Variants in RANBP9 observed in about 807,000 individuals in gnomAD.
The protein encoded by RANBP9 is ran-binding protein 9.
A neutral mutation model predicts 84.3 loss-of-function variants in RANBP9; 15 were observed. That is an observed-to-expected ratio of 0.18 (90% CI 0.12 to 0.27). The LOEUF is 0.27. RANBP9 is among the 10% of genes least tolerant of loss of function. The pLI is 1.00. For missense variants in RANBP9, 809 were observed against 912.8 expected (o/e 0.89, Z 1.46); for synonymous variants, 392 against 349.6 (o/e 1.12, Z -1.35).
At position 13,639,548 on chromosome 6, in the gene RANBP9, T is replaced by G; in HGVS notation, c.1525+15A>C. On this transcript the variant is annotated intron_variant, in intron 9 of 13. Coordinates refer to ENST00000011619, the MANE Select transcript of RANBP9 (RefSeq NM_005493.3). ...GAGGAAAAATCTAAAAATAATGTCA[T>G]AAGTTAAATCTCACCTGAAAAATGT... is the stretch of plus-strand genomic sequence containing the variant. 1.3e-6 allele frequency: 2 copies of G among 1,574,316 alleles called. No homozygotes were observed. The highest frequency in any genetic ancestry group is 1.7e-6 in the Non-Finnish European group (2 of 1,145,380).
chr6:13,701,536 G>A (rs868412848), intron 1 of RANBP9, among the ~76,000 whole-genome samples: 17 of 152,142 alleles, frequency 1.1e-4, no homozygotes, highest in African/African-American at 4.1e-4. Flanking sequence ...ACTTTGGGAG[G>A]CCAAGGCAGG....
chr6:13,673,614 GGGA>G (rs1765822272), intron 2 of RANBP9, among the ~76,000 whole-genome samples: 2 of 152,192 alleles, frequency 1.3e-5, no homozygotes, highest in Non-Finnish European at 2.9e-5. Context: ...AGGGACAGGA[GGGA>G]GGAGTTGGTT....
At chr6:13,705,390 G>A (rs150137622) in intron 1 of RANBP9, among the ~76,000 whole-genome samples, 1 of 98,044 alleles carries the variant, frequency 1.0e-5, no homozygotes, top group Non-Finnish European at 1.8e-5. Context: ...CTGGGCGACA[G>A]AGCAAGATTC....
At chr6:13,681,341 T>C (rs903428214) in intron 2 of RANBP9, among the ~76,000 whole-genome samples, 1 of 152,150 alleles carries the variant, frequency 6.6e-6, no homozygotes, top group Admixed American at 6.5e-5. Context: ...GTGGTTGTTA[T>C]GTAATTCTAT....
At chr6:13,695,004 G>T (rs976162274) in intron 2 of RANBP9, among the ~76,000 whole-genome samples, 3 of 152,024 alleles carry the variant, frequency 2.0e-5, no homozygotes, top group African/African-American at 7.3e-5. Flanking sequence ...ACACTAAAAA[G>T]AATAAAGTTT....
intron 2 of RANBP9, among the ~76,000 whole-genome samples, chr6:13,691,163 CAAAAAAAAA>C (rs767728179): frequency 0.02 from 1,171 of 57,498 alleles, 18 homozygotes; most frequent in African/African-American, 0.065. Flanking sequence ...GACTCCGTCT[CAAAAAAAAA>C]AAAAAAAAAA....
At chr6:13,697,184 T>C (rs576867267) in intron 1 of RANBP9, among the ~76,000 whole-genome samples, 1 of 152,320 alleles carries the variant, frequency 6.6e-6, no homozygotes. Context: ...AAAGACATTA[T>C]AGAGTACACT....
At chr6:13,639,427 C>G (rs1310098742) in intron 9 of RANBP9, 136 bp downstream of exon 9, 5 of 919,800 alleles carry the variant, frequency 5.4e-6, no homozygotes, top group Non-Finnish European at 8.0e-6. Context: ...ATCCGCCCAC[C>G]CTGGCCTCCC....
chr6:13,703,793 G>A (rs997098588), intron 1 of RANBP9, among the ~76,000 whole-genome samples: 1 of 152,218 alleles, frequency 6.6e-6, no homozygotes, highest in African/African-American at 2.4e-5. Context: ...ACCAGTTAGA[G>A]TCCCCTTAAC....
At chr6:13,680,827 A>G (rs897279086) in intron 2 of RANBP9, among the ~76,000 whole-genome samples, 3 of 152,122 alleles carry the variant, frequency 2.0e-5, no homozygotes, top group African/African-American at 7.2e-5. Context: ...TTCAAATATA[A>G]TGAGTATAAT....
At chr6:13,648,704 G>C (rs541414843) in intron 5 of RANBP9, among the ~76,000 whole-genome samples, 18 of 152,048 alleles carry the variant, frequency 1.2e-4, no homozygotes, top group Non-Finnish European at 2.5e-4. Flanking sequence ...GTCTACATTC[G>C]ATCTCTTTTA....
intron 1 of RANBP9, among the ~76,000 whole-genome samples, chr6:13,708,819 T>TCACACACA (rs70989879): frequency 1.9e-3 from 262 of 140,924 alleles, no homozygotes; most frequent in African/African-American, 5.8e-3. Flanking sequence ...AACGGAAAAC[T>TCACACACA]CACACACACA....
chr6:13,693,420 T>C (rs1766371916), intron 2 of RANBP9, among the ~76,000 whole-genome samples: 1 of 152,064 alleles, frequency 6.6e-6, no homozygotes, highest in African/African-American at 2.4e-5. Flanking sequence ...AGTGCTAAGA[T>C]CAACAGGAAC....
intron 7 of RANBP9, among the ~76,000 whole-genome samples, chr6:13,641,526 A>T (rs890547539): frequency 1.4e-4 from 22 of 152,092 alleles, no homozygotes; most frequent in East Asian, 7.7e-4. Flanking sequence ...TTTTTTTTTT[A>T]AAATCACGAA....
At chr6:13,626,772 C>G (rs1297109309) in intron 12 of RANBP9, among the ~76,000 whole-genome samples, 1 of 152,182 alleles carries the variant, frequency 6.6e-6, no homozygotes, top group African/African-American at 2.4e-5. Context: ...GCACCATCTC[C>G]TAGGTTCAGC....
At chr6:13,643,490 A>C (rs1218892531) in intron 6 of RANBP9, among the ~76,000 whole-genome samples, 1 of 152,206 alleles carries the variant, frequency 6.6e-6, no homozygotes, top group African/African-American at 2.4e-5. Flanking sequence ...AAAGGGAGGA[A>C]AATGTCTAAG....
chr6:13,672,473 A>C (rs1328577896), intron 2 of RANBP9, among the ~76,000 whole-genome samples: 2 of 152,286 alleles, frequency 1.3e-5, no homozygotes, highest in South Asian at 4.1e-4. Context: ...AAAAACCAGG[A>C]AAGTAGAGGA....
At chr6:13,654,158 G>A (rs1269954981) in intron 4 of RANBP9, among the ~76,000 whole-genome samples, 1 of 151,952 alleles carries the variant, frequency 6.6e-6, no homozygotes, top group African/African-American at 2.4e-5. Flanking sequence ...TAATTCCAAA[G>A]GTTAACATTT....
At chr6:13,649,725 A>C (rs944364731) in intron 5 of RANBP9, among the ~76,000 whole-genome samples, 3 of 151,694 alleles carry the variant, frequency 2.0e-5, no homozygotes, top group Non-Finnish European at 4.4e-5. Flanking sequence ...TACTGCCCCC[A>C]CTTCCACCAC....
Sources: gnomAD v4.1 joint callset for allele counts (sites outside exome capture counted in the v4.1 genomes callset) on GRCh38, gnomAD v4.1.1 for gene constraint, MANE v1.5 for transcripts, NCBI Gene and HGNC (gene_info 2026-07-23, HGNC 2026-07-21) for gene names.